The following TMEM63C variants were observed in gnomAD, a reference collection of about 807,000 sequenced individuals.
TMEM63C encodes the protein transmembrane protein 63C, also known as osmosensitive cation channel TMEM63C.
In TMEM63C, 32 loss-of-function variants were observed where a neutral mutation model predicts 99.2. The observed-to-expected ratio is 0.32, with a 90% confidence interval of 0.24 to 0.43. TMEM63C has a LOEUF of 0.43. Among genes scored for constraint, TMEM63C ranks in the 20% least tolerant of loss-of-function variants. The pLI, the probability that TMEM63C is intolerant of heterozygous loss-of-function variation, is 1.00. For missense variants in TMEM63C, 826 were observed against 1,053.0 expected, an observed-to-expected ratio of 0.78 and a Z score of 2.98; for synonymous variants, 376 against 397.9, an observed-to-expected ratio of 0.94 and a Z score of 0.66.
intron 2 of TMEM63C, among the ~76,000 whole-genome samples, chr14:77,215,390 C>T (rs1594855963): frequency 6.6e-6 from 1 of 151,852 alleles, no homozygotes; most frequent in South Asian, 2.1e-4. Context: ...CACCTGAGGT[C>T]AGGAGTTTGA....
chr14:77,209,202 C>G (rs890513268), intron 1 of TMEM63C, among the ~76,000 whole-genome samples: 13 of 152,100 alleles, frequency 8.5e-5, no homozygotes, highest in Non-Finnish European at 1.9e-4. Flanking sequence ...AACTGAATAG[C>G]AAGAGGTTAA....
At chr14:77,200,139 G>A (rs1001896470) in intron 1 of TMEM63C, among the ~76,000 whole-genome samples, 1 of 152,128 alleles carries the variant, frequency 6.6e-6, no homozygotes, top group Admixed American at 6.5e-5. Flanking sequence ...TCTGGCTTCA[G>A]GTCTCCATTC....
At position 77,257,089 on chromosome 14, in the gene TMEM63C, T is replaced by A. The variant is rs1256730715; in HGVS notation, c.*363T>A. ...GAGACAGAAGGAGGCTGCCGAAGGC[T>A]CTGTGGGGTCATCACCACTCTGCAT... is the stretch of plus-strand genomic sequence containing the variant. On this transcript the variant is annotated 3_prime_UTR_variant, in exon 24 of 24. Transcript: ENST00000298351. 1 of 226,858 alleles carries A rather than the reference T, an allele frequency of 4.4e-6. No individual in the cohort carries two copies. The highest frequency in any genetic ancestry group is 2.3e-5 in the African/African-American group (1 of 44,146). 14.1% of individuals were successfully genotyped at this position (226,858 alleles called of 1,614,324 possible).
chr14:77,227,853 C>T (rs1342627227), intron 6 of TMEM63C, among the ~76,000 whole-genome samples: 3 of 152,024 alleles, frequency 2.0e-5, no homozygotes, highest in Non-Finnish European at 4.4e-5. Context: ...GAAGGAAGGT[C>T]ACCTTTTTCC....
chr14:77,250,005 T>C (rs529233947), intron 21 of TMEM63C, among the ~76,000 whole-genome samples: 1 of 152,268 alleles, frequency 6.6e-6, no homozygotes, highest in African/African-American at 2.4e-5. Context: ...TGGCTAATTG[T>C]TTTTAATTTT....
chr14:77,215,113 C>T (rs1188076764), intron 2 of TMEM63C, among the ~76,000 whole-genome samples: 1 of 152,224 alleles, frequency 6.6e-6, no homozygotes, highest in East Asian at 1.9e-4. Context: ...TCTGGCTGCT[C>T]TCGTCAATTC....
chr14:77,236,236 A>C (rs1301105011), intron 8 of TMEM63C, among the ~76,000 whole-genome samples: 1 of 10,774 alleles, frequency 9.3e-5, no homozygotes, highest in African/African-American at 5.3e-4. Flanking sequence ...GGGTGGGGGT[A>C]TGGGGAGACT....
At chr14:77,246,445 G>A (rs532729398) in intron 17 of TMEM63C, among the ~76,000 whole-genome samples, 164 bp from the exon 18 acceptor site, 16 of 152,358 alleles carry the variant, frequency 1.1e-4, no homozygotes, top group Non-Finnish European at 2.1e-4. Flanking sequence ...AGGGCTCGGG[G>A]CCAGGACAGC....
chr14:77,237,589 G>A (rs1889084315), intron 9 of TMEM63C, among the ~76,000 whole-genome samples: 2 of 152,226 alleles, frequency 1.3e-5, no homozygotes, highest in African/African-American at 4.8e-5. Flanking sequence ...GCAATCGTGG[G>A]TATTTTCCAC....
Position 77,197,365 on chromosome 14 carries a change from C to T in TMEM63C, c.-77+15471C>T, listed in dbSNP as rs550304882. ...CAGGCAGTGTTTCACTTCTGTTCCT[C>T]TGGCCATTCCCAGGGCCCCAGCCCT... On this transcript the variant is annotated intron_variant, in intron 1 of 23. Coordinates refer to ENST00000298351, the MANE Select transcript of TMEM63C (RefSeq NM_020431.4). Among the ~76,000 whole-genome samples the T allele has an allele frequency of 9.5e-4, 145 of 152,350 alleles. 2 individuals are homozygous for T. Among genetic ancestry groups the T allele is most frequent in the African/African-American group, 3.4e-3 (141 of 41,594 alleles).
At chr14:77,194,596 C>T (rs957237476) in intron 1 of TMEM63C, among the ~76,000 whole-genome samples, 1 of 92,428 alleles carries the variant, frequency 1.1e-5, no homozygotes, top group Non-Finnish European at 2.3e-5. Context: ...TTTTTGGAGA[C>T]AGGGTCTTGC....
At position 77,248,432 on chromosome 14, in the gene TMEM63C, C is replaced by T. The variant is rs763118485; in HGVS notation, c.1687C>T (p.Arg563Cys). 7 of 1,588,444 alleles carry T rather than the reference C, an allele frequency of 4.4e-6. No homozygotes were observed. Among genetic ancestry groups the T allele is most frequent in the Admixed American group, 3.6e-5 (2 of 55,928 alleles). ...ACTTGGCACAGGCATGGAGCTGCTG[C>T]GTCTGGGGTCACTCTTCTGCTACAG... ...ALLGTGMELL[R>C]LGSLFCYSTR... The change falls in exon 19 of 24, where the codon CGT becomes TGT. Residue 563 changes from arginine to cysteine, a missense_variant. Coordinates refer to ENST00000298351, the MANE Select transcript of TMEM63C (RefSeq NM_020431.4).
intron 18 of TMEM63C, among the ~76,000 whole-genome samples, 182 bp from the exon 19 acceptor site, chr14:77,248,165 A>G (rs1442548024): frequency 6.6e-6 from 1 of 152,168 alleles, no homozygotes; most frequent in Non-Finnish European, 1.5e-5. Flanking sequence ...GGTTGGGGAC[A>G]TATATATTAT....
At position 77,250,107 on chromosome 14, in the gene TMEM63C, T is replaced by C. The variant is rs1889332406; in HGVS notation, c.2038+649T>C. Among the ~76,000 whole-genome samples the C allele has an allele frequency of 2.6e-5, 4 of 152,180 alleles. No individual in the cohort carries two copies. In the South Asian group the frequency reaches 8.3e-4, roughly 32 times the overall value. On this transcript the variant is annotated intron_variant, in intron 21 of 23. Coordinates refer to ENST00000298351, the MANE Select transcript of TMEM63C (RefSeq NM_020431.4). The stretch of plus-strand genomic sequence containing the variant: ...GCCTAGGCCTCCCAAAGTGCTGGGA[T>C]TATAAGCGTAAGCCGCCGGTGCCTA...
intron 13 of TMEM63C, 55 bp downstream of exon 13, chr14:77,240,663 A>C: frequency 6.3e-7 from 1 of 1,579,110 alleles, no homozygotes; most frequent in South Asian, 1.1e-5. Context: ...GCTTCTCGGC[A>C]CTCTCCTCCC....
intron 6 of TMEM63C, among the ~76,000 whole-genome samples, chr14:77,226,031 A>G (rs1888815623): frequency 6.6e-6 from 1 of 152,096 alleles, no homozygotes; most frequent in Non-Finnish European, 1.5e-5. Flanking sequence ...CTGATTCCCC[A>G]ACACCAGCCA....
intron 13 of TMEM63C, among the ~76,000 whole-genome samples, chr14:77,240,931 CTTTT>C (rs575279817): frequency 2.2e-4 from 28 of 128,496 alleles, no homozygotes; most frequent in African/African-American, 2.8e-4. Context: ...TTCCCTTTTT[CTTTT>C]TTTTTTTTTT....
chr14:77,207,650 C>T (rs991292010), intron 1 of TMEM63C, among the ~76,000 whole-genome samples: 8 of 152,206 alleles, frequency 5.3e-5, no homozygotes, highest in Admixed American at 3.3e-4. Flanking sequence ...AGTTTCTGTA[C>T]GTGTAAGATG....
intron 6 of TMEM63C, among the ~76,000 whole-genome samples, chr14:77,230,799 A>G (rs1888925748): frequency 6.6e-6 from 1 of 152,184 alleles, no homozygotes; most frequent in African/African-American, 2.4e-5. Context: ...CAAAAAGGTT[A>G]GGGACCACTG....
Sources: gnomAD v4.1 joint callset for allele counts (sites outside exome capture counted in the v4.1 genomes callset) on GRCh38, gnomAD v4.1.1 for gene constraint, MANE v1.5 for transcripts, NCBI Gene and HGNC (gene_info 2026-07-23, HGNC 2026-07-21) for gene names.